The following UROC1 variants were observed in gnomAD, a reference collection of about 807,000 sequenced individuals.
UROC1 encodes urocanate hydratase.
UROC1 carries 79 observed loss-of-function variants against 89.5 expected under a neutral mutation model. The observed-to-expected ratio is 0.88, with a 90% CI of 0.74 to 1.06. UROC1 has a LOEUF of 1.06. UROC1 is among the 50% of genes least tolerant of loss of function. The pLI is 0.00. For missense variants in UROC1, 885 were observed against 907.8 expected (o/e 0.97, Z 0.32); for synonymous variants, 361 against 354.8 (o/e 1.02, Z -0.20).
At chr3:126,496,211 C>T in intron 14 of UROC1, 103 bp from the exon 15 acceptor site, 1 of 1,189,128 alleles carries the variant, frequency 8.4e-7, no homozygotes, top group Non-Finnish European at 1.2e-6. Flanking sequence ...GAGCCCACCA[C>T]TGAGCTAGGA....
chr3:126,486,735 G>A (rs905906877), intron 18 of UROC1, among the ~76,000 whole-genome samples: 2 of 152,228 alleles, frequency 1.3e-5, no homozygotes, highest in South Asian at 2.1e-4. Flanking sequence ...GCAGAGTTGC[G>A]GGGGGTGGGG....
At position 126,488,145 on chromosome 3, in the gene UROC1, A is replaced by G. The variant is rs1452356405; in HGVS notation, c.1790+53T>C. 3.1e-6 allele frequency: 5 copies of G among 1,603,834 alleles called. No homozygotes were observed. The East Asian group carries it at 1.1e-4, about 36-fold the overall frequency. On this transcript the variant is annotated intron_variant, in intron 18 of 19. Coordinates refer to ENST00000290868, the MANE Select transcript of UROC1 (RefSeq NM_144639.3). Reference sequence around the variant, plus strand: ...CCTCAGCCTGGCCCTGCCCCAAAGGAACCCCCAAAACTTCCACATCAGCCC... The same window carrying G: ...CCTCAGCCTGGCCCTGCCCCAAAGGGACCCCCAAAACTTCCACATCAGCCC...
rs34506298 is a variant in UROC1 at position 126,508,443 on chromosome 3, A to G, written c.384T>C (p.Asn128=). 11,227 of 1,613,812 alleles carry G rather than the reference A, an allele frequency of 7.0e-3. 61 individuals carry two copies. Among genetic ancestry groups the G allele is most frequent in the Middle Eastern group, 0.026 (156 of 6,058 alleles). Residue 128 remains asparagine, a synonymous_variant, in exon 4 of 20, where the codon AAT becomes AAC. Coordinates refer to ENST00000290868, the MANE Select transcript of UROC1 (RefSeq NM_144639.3). The part of the protein sequence containing the change: ...FPQELVTYGG[N]GQVFSNWAQF... Reference sequence around the variant, plus strand: ...GAGCCCAGTTGCTGAACACCTGCCCATTTCCTCCATAGGTCACCAGCTCCT... The same window carrying G: ...GAGCCCAGTTGCTGAACACCTGCCCGTTTCCTCCATAGGTCACCAGCTCCT...
chr3:126,500,784 G>A lies in UROC1; in HGVS notation c.1056C>T (p.Gly352=), dbSNP rs34025926. The A allele has an allele frequency of 0.29, 469,509 of 1,613,914 alleles. 71,589 individuals carry two copies. Among genetic ancestry groups the A allele is most frequent in the Middle Eastern group, 0.34 (2,061 of 6,062 alleles). The change falls in exon 11 of 20, where the codon GGC becomes GGT. Residue 352 remains glycine (G), a synonymous_variant. Transcript: ENST00000290868. ...AGCTGAGCTGCACAGGGTAGTAGCCGCCATTGAACGGGTTGTGGCAGGATG... is the reference window on the plus strand; with the variant it reads ...AGCTGAGCTGCACAGGGTAGTAGCCACCATTGAACGGGTTGTGGCAGGATG... ...DQTSCHNPFN[G]GYYPVQLSFT... is the part of the protein sequence containing the mutation.
chr3:126,515,628 C>CCT, intron 1 of UROC1, among the ~76,000 whole-genome samples: 1 of 85,316 alleles, frequency 1.2e-5, no homozygotes, highest in Non-Finnish European at 2.4e-5. Context: ...CTACCATCCC[C>CCT]CAACCCCCAG....
rs1446841116 is a variant in UROC1, at chr3:126,482,198, G to T, written c.*147C>A. Reference sequence around the variant, plus strand: ...CTGTCTGTAAAATGAGGCTGTGGTGGCACCCTGCACAGGGCACCATAAGGG... The same window carrying T: ...CTGTCTGTAAAATGAGGCTGTGGTGTCACCCTGCACAGGGCACCATAAGGG... On this transcript the variant is annotated 3_prime_UTR_variant, in exon 20 of 20. Transcript: ENST00000290868. 3 of 1,177,276 alleles carry T rather than the reference G, an allele frequency of 2.5e-6. No homozygotes were observed. The highest frequency in any genetic ancestry group is 1.5e-5 in the African/African-American group (1 of 65,918). The allele number at this position is 1,177,276 out of a possible 1,614,324, so 72.9% of individuals were successfully genotyped here. A position where few individuals can be genotyped will look rare whatever the true frequency, so the allele number is the denominator to read the frequency against.
intron 1 of UROC1, among the ~76,000 whole-genome samples, chr3:126,517,257 T>G (rs1936349543): frequency 6.6e-6 from 1 of 151,772 alleles, no homozygotes; most frequent in African/African-American, 2.4e-5. Flanking sequence ...ACGTTCTGAG[T>G]GTTGGGGTGG....
chr3:126,483,937 G>T (rs577004370), intron 18 of UROC1, among the ~76,000 whole-genome samples: 7 of 152,308 alleles, frequency 4.6e-5, no homozygotes, highest in Admixed American at 1.3e-4. Flanking sequence ...GGATGACCAT[G>T]AAATCCTGGC....
chr3:126,508,264 A>G (rs1936115537), intron 4 of UROC1, 152 bp downstream of exon 4: 1 of 1,392,100 alleles, frequency 7.2e-7, no homozygotes, highest in African/African-American at 1.4e-5. Context: ...CTATAACCTG[A>G]AATTTCCCCA....
At chr3:126,507,931 C>T (rs904728065) in intron 5 of UROC1, 36 bp downstream of exon 5, 7 of 1,613,572 alleles carry the variant, frequency 4.3e-6, no homozygotes, top group Non-Finnish European at 5.9e-6. Context: ...TCTTTGGAGC[C>T]CTGGGCAGGT....
At chr3:126,492,633 G>A in intron 15 of UROC1, 117 bp from the exon 16 acceptor site, 1 of 673,928 alleles carries the variant, frequency 1.5e-6, no homozygotes, top group Non-Finnish European at 2.5e-6. Flanking sequence ...GGCAGCCTGA[G>A]CGCCTAACAA....
chr3:126,499,261 A>G, intron 13 of UROC1, 76 bp downstream of exon 13: 1 of 1,523,032 alleles, frequency 6.6e-7, no homozygotes, highest in Non-Finnish European at 9.0e-7. Flanking sequence ...TCCAACCTAA[A>G]TACCCAGGAC....
chr3:126,484,610 C>A (rs1368133981), intron 18 of UROC1, among the ~76,000 whole-genome samples: 1 of 152,216 alleles, frequency 6.6e-6, no homozygotes, highest in Non-Finnish European at 1.5e-5. Context: ...CAGTTCTCAC[C>A]AGGAAGCCAG....
At chr3:126,491,864 C>T (rs1935661395) in intron 16 of UROC1, among the ~76,000 whole-genome samples, 2 of 152,176 alleles carry the variant, frequency 1.3e-5, no homozygotes, top group South Asian at 4.1e-4. Flanking sequence ...CACACACATG[C>T]TTTTTAGTCT....
At position 126,517,729 on chromosome 3, in the gene UROC1, A is replaced by G; in HGVS notation, c.-10T>C. On this transcript the variant is annotated 5_prime_UTR_variant, in exon 1 of 20. Coordinates refer to ENST00000290868, the MANE Select transcript of UROC1 (RefSeq NM_144639.3). The stretch of plus-strand genomic sequence containing the variant: ...CCTGGAGGCTAGACATGTGTGACTG[A>G]GATGGAGGCAGAGGCCAGCACTGTG... 1 of 1,563,806 alleles carries G rather than the reference A, an allele frequency of 6.4e-7. No individual in the cohort carries two copies. The highest frequency in any genetic ancestry group is 8.7e-7 in the Non-Finnish European group (1 of 1,154,680).
At chr3:126,513,024 T>C (rs748822674) in intron 1 of UROC1, among the ~76,000 whole-genome samples, 2 of 152,244 alleles carry the variant, frequency 1.3e-5, no homozygotes, top group Non-Finnish European at 2.9e-5. Context: ...GTAACAGAAC[T>C]CTGCCTCGGG....
intron 1 of UROC1, among the ~76,000 whole-genome samples, chr3:126,514,267 A>ACC (rs1246807447): frequency 2.0e-5 from 3 of 152,144 alleles, no homozygotes; most frequent in Non-Finnish European, 4.4e-5. Context: ...AGTGATGGGG[A>ACC]CACAGACGCT....
chr3:126,486,698 A>G (rs987172457), intron 18 of UROC1, among the ~76,000 whole-genome samples: 3 of 152,246 alleles, frequency 2.0e-5, no homozygotes, highest in Admixed American at 2.0e-4. Flanking sequence ...GGAAACAGGG[A>G]TCAATGCGCA....
At chr3:126,499,459 C>T (rs1396235406) in intron 12 of UROC1, 50 bp from the exon 13 acceptor site, 14 of 1,564,036 alleles carry the variant, frequency 9.0e-6, no homozygotes, top group Non-Finnish European at 1.2e-5. Context: ...CACCCATGGC[C>T]ACCCTAGATG....
Sources: allele counts gnomAD v4.1 joint callset (sites outside exome capture counted in the v4.1 genomes callset), GRCh38; gene constraint gnomAD v4.1.1; transcripts MANE v1.5; gene names NCBI Gene and HGNC (gene_info 2026-07-23, HGNC 2026-07-21).